DAB1: variants seen among roughly 807,000 people sequenced by gnomAD.
DAB1 encodes the protein disabled homolog 1.
DAB1 carries 15 observed loss-of-function variants against 64.6 expected under a neutral mutation model. That is an observed-to-expected ratio of 0.23 (90% CI 0.16 to 0.36). DAB1 has a LOEUF of 0.36. Ranked by LOEUF, DAB1 falls within the 10% of genes least tolerant of loss-of-function variation. The probability of loss-of-function intolerance (pLI) is 1.00; values close to 1 mark genes in which losing one functional copy is unlikely to be tolerated. For synonymous variants in DAB1, 235 were observed against 251.9 expected, an observed-to-expected ratio of 0.93 and a Z score of 0.64; for missense variants, 596 against 706.7, an observed-to-expected ratio of 0.84 and a Z score of 1.78.
intron 1 of DAB1, among the ~76,000 whole-genome samples, chr1:57,340,542 G>A (rs1677486584): frequency 6.6e-6 from 1 of 152,224 alleles, no homozygotes; most frequent in South Asian, 2.1e-4. Context: ...CGCAGTCACT[G>A]TAACCATTTG....
In DAB1 at chr1:57,787,750, T is replaced by A. The variant is rs12032540; in HGVS notation, n.551+96249A>T. 0.02 allele frequency among the ~76,000 whole-genome samples: 3,034 copies of A among 152,152 alleles called. 149 individuals carry two copies. The East Asian group carries it at 0.21, about 10-fold the overall frequency. On this transcript the variant is annotated intron_variant and non_coding_transcript_variant, in intron 6 of 20. Transcript: ENST00000485760. The stretch of plus-strand genomic sequence containing the variant: ...TGGCAAACTACAGCCTGGTAGAAAA[T>A]GTTTATTTGCAAAACACACATTTGT...
chr1:57,027,569 AT>A (rs758546656), intron 9 of DAB1, among the ~76,000 whole-genome samples: 6 of 152,152 alleles, frequency 3.9e-5, no homozygotes, highest in Non-Finnish European at 7.4e-5. Flanking sequence ...CAGGGGGTAT[AT>A]TTGGATTCTA....
At position 58,190,532 on chromosome 1, in the gene DAB1, C is replaced by A. The variant is rs571006853; in HGVS notation, n.310-39944G>T. Among the ~76,000 whole-genome samples the A allele has an allele frequency of 1.5e-4, 23 of 152,278 alleles. No individual in the cohort carries two copies. The East Asian group carries it at 3.7e-3, about 24-fold the overall frequency. On this transcript the variant is annotated intron_variant and non_coding_transcript_variant, in intron 4 of 20. Coordinates refer to the DAB1 transcript ENST00000485760. ...CTCTTTCTGTCTCCTTTCCTGAATT[C>A]TTCTTTTTTTAAACAAACCACTCCA...
chr1:58,398,440 C>T (rs1444930862), intron 3 of DAB1, among the ~76,000 whole-genome samples: 5 of 152,224 alleles, frequency 3.3e-5, no homozygotes, highest in South Asian at 2.1e-4. Context: ...GCTCCATGCC[C>T]GTCCAAGCCA....
intron 4 of DAB1, among the ~76,000 whole-genome samples, chr1:58,274,358 C>T (rs1362817007): frequency 7.5e-6 from 1 of 134,034 alleles, no homozygotes; most frequent in Non-Finnish European, 1.6e-5. Flanking sequence ...AGGCAGTCTG[C>T]CGGTTCTCAG....
chr1:58,064,088 A>G (rs1342790638), intron 5 of DAB1, among the ~76,000 whole-genome samples: 1 of 152,130 alleles, frequency 6.6e-6, no homozygotes, highest in Non-Finnish European at 1.5e-5. Flanking sequence ...TTACAGTAAA[A>G]TGAGGGGCTG....
intron 6 of DAB1, among the ~76,000 whole-genome samples, chr1:57,695,678 C>T (rs1457421195): frequency 1.3e-5 from 2 of 152,158 alleles, no homozygotes; most frequent in African/African-American, 2.4e-5. Context: ...GTGGGTGGAT[C>T]ACCTGAGGTC....
chr1:57,130,233 A>C (rs143797969), intron 4 of DAB1, among the ~76,000 whole-genome samples: 1 of 152,106 alleles, frequency 6.6e-6, no homozygotes, highest in East Asian at 1.9e-4. Context: ...TAACACCTCG[A>C]GCTTTTTATT....
chr1:57,784,064 G>A (rs180754207), intron 6 of DAB1, among the ~76,000 whole-genome samples: 42 of 152,246 alleles, frequency 2.8e-4, no homozygotes, highest in Admixed American at 2.0e-4. Flanking sequence ...AGTGAGGAAG[G>A]TATGTCAAAA....
chr1:57,051,693 T>A (rs1169343217), intron 9 of DAB1, among the ~76,000 whole-genome samples: 1 of 152,124 alleles, frequency 6.6e-6, no homozygotes, highest in Non-Finnish European at 1.5e-5. Context: ...TTCCCAAACA[T>A]CTCTTCAACA....
rs368494599 is a variant in DAB1 at position 57,224,872 on chromosome 1, C to T, written c.67+66092G>A. ...AAAGGATTGGAACTTTCAGCCAGGC[C>T]CCCAGACCTCTGAGGAGATTCAGTT... is the stretch of plus-strand genomic sequence containing the variant. On this transcript the variant is annotated intron_variant, in intron 2 of 14. Coordinates refer to ENST00000371236, the MANE Select transcript of DAB1 (RefSeq NM_001365792.1). 2.3e-4 allele frequency among the ~76,000 whole-genome samples: 35 copies of T among 152,196 alleles called. No homozygotes were observed. The South Asian group carries it at 6.8e-3, about 30-fold the overall frequency.
At chr1:57,869,191 AT>A (rs1466554912) in intron 1 of DAB1, among the ~76,000 whole-genome samples, 1 of 152,076 alleles carries the variant, frequency 6.6e-6, no homozygotes, top group Non-Finnish European at 1.5e-5. Flanking sequence ...CTCTGAGAGT[AT>A]TTCCTCATGG....
chr1:57,408,068 T>A (rs1404674250), intron 1 of DAB1, among the ~76,000 whole-genome samples: 1 of 152,104 alleles, frequency 6.6e-6, no homozygotes, highest in African/African-American at 2.4e-5. Context: ...CAAAGTCTGC[T>A]CCTCTACAGA....
chr1:58,331,541 T>C (rs1052019164), intron 4 of DAB1, among the ~76,000 whole-genome samples: 1 of 152,206 alleles, frequency 6.6e-6, no homozygotes, highest in African/African-American at 2.4e-5. Flanking sequence ...AGTCCACTGA[T>C]GCAGCAAACT....
At chr1:57,848,674 T>C (rs1653392137) in intron 1 of DAB1, among the ~76,000 whole-genome samples, 1 of 152,150 alleles carries the variant, frequency 6.6e-6, no homozygotes, top group Non-Finnish European at 1.5e-5. Context: ...TGATCAGGAA[T>C]GTCCAAGCCA....
intron 9 of DAB1, among the ~76,000 whole-genome samples, chr1:57,061,388 G>C (rs1354380848): frequency 1.3e-5 from 2 of 152,194 alleles, no homozygotes; most frequent in South Asian, 4.1e-4. Flanking sequence ...CTTAGGTTTG[G>C]AAGGGACATC....
At chr1:57,634,245 G>A (rs1311046593) in intron 7 of DAB1, among the ~76,000 whole-genome samples, 1 of 152,140 alleles carries the variant, frequency 6.6e-6, no homozygotes, top group African/African-American at 2.4e-5. Context: ...ATAGTACCTG[G>A]CACACAGCAT....
intron 6 of DAB1, among the ~76,000 whole-genome samples, chr1:57,804,475 G>A (rs1324998247): frequency 6.6e-6 from 1 of 152,078 alleles, no homozygotes; most frequent in African/African-American, 2.4e-5. Flanking sequence ...TTGAGCCTGG[G>A]GTTCAATACT....
intron 7 of DAB1, among the ~76,000 whole-genome samples, chr1:57,446,173 T>C (rs1686128796): frequency 6.6e-6 from 1 of 152,230 alleles, no homozygotes; most frequent in Admixed American, 6.5e-5. Flanking sequence ...TCAGGTTCTT[T>C]TTTGTCATTA....
Sources: gnomAD v4.1 joint callset for allele counts (sites outside exome capture counted in the v4.1 genomes callset) on GRCh38, gnomAD v4.1.1 for gene constraint, MANE v1.5 for transcripts, NCBI Gene and HGNC (gene_info 2026-07-23, HGNC 2026-07-21) for gene names.